The following ADAM11 variants were observed in gnomAD, a reference collection of about 807,000 sequenced individuals.
ADAM11 encodes ADAM metallopeptidase domain 11, also known as disintegrin and metalloproteinase domain-containing protein 11.
Under a neutral mutation model 119.1 loss-of-function variants are expected in ADAM11, and 49 were observed. The observed-to-expected ratio is 0.41, with a 90% CI of 0.33 to 0.52. The LOEUF (loss-of-function observed/expected upper bound fraction) is 0.52, where lower values mean the gene tolerates loss of function less well. Ranked by LOEUF, ADAM11 falls within the 20% of genes least tolerant of loss-of-function variation. The probability of loss-of-function intolerance (pLI) is 0.20; values close to 1 mark genes in which losing one functional copy is unlikely to be tolerated. For synonymous variants in ADAM11, 364 were observed against 408.0 expected (o/e 0.89, Z 1.30); for missense variants, 777 against 1,047.5 (o/e 0.74, Z 3.56).
rs1277397081 is a variant in ADAM11, at chr17:44,769,804, GC to G, written c.314+12del. Reference sequence around the variant, plus strand: ...ACCTGGAGCTGAACCAGTGAGTGTGGCCTTGAGCCCAAGAGGAAGGGCAGTG... The same window carrying G: ...ACCTGGAGCTGAACCAGTGAGTGTGGCTTGAGCCCAAGAGGAAGGGCAGTG... On this transcript the variant is annotated intron_variant, in intron 3 of 26. Coordinates refer to ENST00000200557, the MANE Select transcript of ADAM11 (RefSeq NM_002390.6). The G allele has an allele frequency of 1.7e-5, 27 of 1,613,822 alleles. No homozygotes were observed. The highest frequency in any genetic ancestry group is 2.3e-5 in the Non-Finnish European group (27 of 1,179,706).
At chr17:44,762,116 G>A (rs753154243) in intron 2 of ADAM11, among the ~76,000 whole-genome samples, 4 of 152,144 alleles carry the variant, frequency 2.6e-5, no homozygotes, top group Non-Finnish European at 2.9e-5. Context: ...GAGCCACTGC[G>A]CCTGGCAGCT....
intron 2 of ADAM11, 53 bp from the exon 3 acceptor site, chr17:44,769,665 C>G (rs58726064): frequency 0.45 from 595,542 of 1,334,608 alleles, 140,163 homozygotes; most frequent in East Asian, 0.74. Flanking sequence ...CCCCCCGACT[C>G]CCACCTTCAG....
chr17:44,760,015 G>A, intron 2 of ADAM11, 118 bp downstream of exon 2: 1 of 1,052,140 alleles, frequency 9.5e-7, no homozygotes, highest in Non-Finnish European at 1.2e-6. Context: ...GTCCCCTTCT[G>A]TACAGTGGGC....
chr17:44,776,035 G>C lies in ADAM11; in HGVS notation c.1486-92G>C, dbSNP rs1209685994. ...GGGGCCCTGGGGAGCTGGAGGGCCC[G>C]GGGATGTGGGGGTCCAGAGAGCGAG... On this transcript the variant is annotated intron_variant, in intron 17 of 26. Transcript: ENST00000200557. The surrounding 1 kb of genome is among the most constrained non-coding windows in gnomAD (Gnocchi z 5.2). 2 of 1,452,286 alleles carry C rather than the reference G, an allele frequency of 1.4e-6. No individual in the cohort carries two copies. The highest frequency in any genetic ancestry group is 1.9e-6 in the Non-Finnish European group (2 of 1,044,900). 90.0% of individuals were successfully genotyped at this position (1,452,286 alleles called of 1,614,324 possible). A position where few individuals can be genotyped will look rare whatever the true frequency, so the allele number is the denominator to read the frequency against.
chr17:44,770,694 T>A (rs1293733475), intron 4 of ADAM11, among the ~76,000 whole-genome samples: 2 of 152,142 alleles, frequency 1.3e-5, no homozygotes, highest in Non-Finnish European at 2.9e-5. Flanking sequence ...TGTGTGATGT[T>A]AGGGGCGAGT....
At chr17:44,768,765 C>T (rs2049482273) in intron 2 of ADAM11, among the ~76,000 whole-genome samples, 1 of 152,210 alleles carries the variant, frequency 6.6e-6, no homozygotes, top group African/African-American at 2.4e-5. Context: ...ACCTGCCGTC[C>T]CCACCACAAA....
At position 44,777,246 on chromosome 17, in the gene ADAM11, T is replaced by C. The variant is rs774631632; in HGVS notation, c.1762T>C (p.Trp588Arg). 6.2e-7 allele frequency: 1 copy of C among 1,606,370 alleles called. No homozygotes were observed. Among genetic ancestry groups the C allele is most frequent in the South Asian group, 1.1e-5 (1 of 90,840 alleles). ...RGSCGRKGSG[W>R]VQCSKQDVLC... is the part of the protein sequence containing the mutation. The stretch of plus-strand genomic sequence containing the variant: ...GAGCTGTGGGCGCAAGGGATCTGGC[T>C]GGGTCCAGTGCAGTAAGCAGTGAGT... Residue 588 changes from tryptophan (W) to arginine (R), a missense_variant, in exon 21 of 27, where the codon TGG becomes CGG. Physicochemically the swap from Trp to Arg is moderately radical, Grantham distance 101. This residue lies in a region of ADAM11 where 348 missense variants were observed against 486.7 expected (regional missense o/e 0.72). Coordinates refer to ENST00000200557, the MANE Select transcript of ADAM11 (RefSeq NM_002390.6). The surrounding 1 kb of genome is among the most constrained non-coding windows in gnomAD (Gnocchi z 5.1).
At position 44,774,370 on chromosome 17, in the gene ADAM11, T is replaced by C. The variant is rs772393030; in HGVS notation, c.1068T>C (p.Gly356=). 1 of 1,474,052 alleles carries C rather than the reference T, an allele frequency of 6.8e-7. No individual in the cohort carries two copies. Among genetic ancestry groups the C allele is most frequent in the Non-Finnish European group, 9.0e-7 (1 of 1,105,406 alleles). The allele number at this position is 1,474,052 out of a possible 1,614,324, so 91.3% of individuals were successfully genotyped here. A position where few individuals can be genotyped will look rare whatever the true frequency, so the allele number is the denominator to read the frequency against. ...GGICSLSHGG[G]VNEYGNMGAM... ...TATGCTCCCTGTCCCACGGCGGGGG[T>C]GTGAACGAGGTGAGCAGTGGGGGGA... is the stretch of plus-strand genomic sequence containing the variant. The change falls in exon 12 of 27, where the codon GGT becomes GGC. Residue 356 remains glycine, a synonymous_variant. Transcript: ENST00000200557.
Position 44,768,135 on chromosome 17 carries a change from G to A in ADAM11, c.238-1583G>A, listed in dbSNP as rs1450881793. Among the ~76,000 whole-genome samples, 3 of 152,332 alleles carry A rather than the reference G, an allele frequency of 2.0e-5. No homozygotes were observed. The East Asian group carries it at 5.8e-4, about 29-fold the overall frequency. On this transcript the variant is annotated intron_variant, in intron 2 of 26. Coordinates refer to ENST00000200557, the MANE Select transcript of ADAM11 (RefSeq NM_002390.6). ...GCTCCTCTAGGCAGCTGTGGAGGGG[G>A]CTGGCATAGGGGCTTGTTGGTGGGA...
Position 44,776,615 on chromosome 17 carries a change from C to G in ADAM11, c.1567-130C>G, listed in dbSNP as rs1411267737. 2 of 1,179,744 alleles carry G rather than the reference C, an allele frequency of 1.7e-6. No homozygotes were observed. Among genetic ancestry groups the G allele is most frequent in the Non-Finnish European group, 2.4e-6 (2 of 841,656 alleles). 73.1% of individuals were successfully genotyped at this position (1,179,744 alleles called of 1,614,324 possible). ...TCCAGAACCAGACAGATCGCTTGTC[C>G]TAGGCGTGGAAGAGCCCTGTGGCAT... On this transcript the variant is annotated intron_variant, in intron 18 of 26. Transcript: ENST00000200557. The surrounding 1 kb of genome is among the most constrained non-coding windows in gnomAD (Gnocchi z 5.2).
Position 44,770,063 on chromosome 17 carries a change from A to G in ADAM11, c.381+15A>G, listed in dbSNP as rs753128694. On this transcript the variant is annotated intron_variant, in intron 4 of 26. Transcript: ENST00000200557. The stretch of plus-strand genomic sequence containing the variant: ...AGCACAGCACCGTGAGTGCCACTGC[A>G]GGGGACCGGGGCCGGGGATGGAAGG... 6.2e-7 allele frequency: 1 copy of G among 1,613,658 alleles called. No individual in the cohort carries two copies. The highest frequency in any genetic ancestry group is 2.2e-5 in the East Asian group (1 of 44,882).
rs779628278 is a variant in ADAM11, at chr17:44,772,995, C to T, written c.754-19C>T. 1.2e-6 allele frequency: 2 copies of T among 1,614,114 alleles called. No individual in the cohort carries two copies. The highest frequency in any genetic ancestry group is 1.7e-5 in the Admixed American group (1 of 60,018). On this transcript the variant is annotated intron_variant, in intron 9 of 26. Transcript: ENST00000200557. This position sits in a 1 kb window ranked among gnomAD's most constrained non-coding sequence, Gnocchi z 4.5. Reference sequence around the variant, plus strand: ...GCCCCTGAGGAGCCTGGCCCTCCTCCCATTCTTCTCTCTCCCAGTTCGAGC... The same window carrying T: ...GCCCCTGAGGAGCCTGGCCCTCCTCTCATTCTTCTCTCTCCCAGTTCGAGC...
chr17:44,777,393 T>C lies in ADAM11; in HGVS notation c.1782-89T>C. 6.5e-7 allele frequency: 1 copy of C among 1,534,386 alleles called. No homozygotes were observed. Among genetic ancestry groups the C allele is most frequent in the Non-Finnish European group, 9.0e-7 (1 of 1,115,108 alleles). ...ATGGGCGGGCACGTGGCAAATGAGG[T>C]GGCAGGGTGCAGGGTGAGGGCAGAT... On this transcript the variant is annotated intron_variant, in intron 21 of 26. Transcript: ENST00000200557. This position sits in a 1 kb window ranked among gnomAD's most constrained non-coding sequence, Gnocchi z 5.1.
At chr17:44,764,756 T>A (rs1219674831) in intron 2 of ADAM11, among the ~76,000 whole-genome samples, 2 of 152,122 alleles carry the variant, frequency 1.3e-5, no homozygotes, top group African/African-American at 2.4e-5. Context: ...AGTCTCCACC[T>A]CTCAGGCTGC....
chr17:44,773,552 T>C lies in ADAM11; in HGVS notation c.992+125T>C. The C allele has an allele frequency of 8.4e-7, 1 of 1,189,254 alleles. No homozygotes were observed. Among genetic ancestry groups the C allele is most frequent in the Non-Finnish European group, 1.2e-6 (1 of 866,864 alleles). 73.7% of individuals were successfully genotyped at this position (1,189,254 alleles called of 1,614,324 possible). A position where few individuals can be genotyped will look rare whatever the true frequency, so the allele number is the denominator to read the frequency against. ...CTGGGGACTGGGCTCACCTTGCACC[T>C]GCCACCTACCCCCAGCCACATGCAA... is the stretch of plus-strand genomic sequence containing the variant. On this transcript the variant is annotated intron_variant, in intron 11 of 26. Transcript: ENST00000200557. The surrounding 1 kb of genome is among the most constrained non-coding windows in gnomAD (Gnocchi z 4.6).
In ADAM11 at chr17:44,776,730, C is replaced by G. The variant is rs190314178; in HGVS notation, c.1567-15C>G. 80 of 1,613,970 alleles carry G rather than the reference C, an allele frequency of 5.0e-5. 1 individual carries two copies. The Admixed American group carries it at 1.3e-3, about 27-fold the overall frequency. On this transcript the variant is annotated splice_polypyrimidine_tract_variant and intron_variant, in intron 18 of 26. Coordinates refer to ENST00000200557, the MANE Select transcript of ADAM11 (RefSeq NM_002390.6). This position sits in a 1 kb window ranked among gnomAD's most constrained non-coding sequence, Gnocchi z 5.2. ...CCTGGGACTGCTCCGCTCAACCCCA[C>G]CCCTCTCTCCACAGTGCCCGCCTAA... is the stretch of plus-strand genomic sequence containing the variant.
intron 2 of ADAM11, among the ~76,000 whole-genome samples, chr17:44,764,069 C>T (rs1159778817): frequency 6.6e-6 from 1 of 152,102 alleles, no homozygotes; most frequent in Non-Finnish European, 1.5e-5. Context: ...TTATGCCTGC[C>T]CCTGGGGAGA....
At position 44,777,407 on chromosome 17, in the gene ADAM11, G is replaced by C; in HGVS notation, c.1782-75G>C. On this transcript the variant is annotated intron_variant, in intron 21 of 26. Coordinates refer to ENST00000200557, the MANE Select transcript of ADAM11 (RefSeq NM_002390.6). The surrounding 1 kb of genome is among the most constrained non-coding windows in gnomAD (Gnocchi z 5.1). ...GGCAAATGAGGTGGCAGGGTGCAGG[G>C]TGAGGGCAGATTAGAGTTCAGTAGT... 6.4e-7 allele frequency: 1 copy of C among 1,562,142 alleles called. No individual in the cohort carries two copies. The highest frequency in any genetic ancestry group is 8.8e-7 in the Non-Finnish European group (1 of 1,136,450).
At chr17:44,771,536 T>G in intron 4 of ADAM11, 48 bp from the exon 5 acceptor site, 2 of 1,586,614 alleles carry the variant, frequency 1.3e-6, no homozygotes, top group Non-Finnish European at 1.7e-6. Flanking sequence ...GCCCATTGGC[T>G]GCCCCCGGCC....
Sources: allele counts gnomAD v4.1 joint callset (sites outside exome capture counted in the v4.1 genomes callset), GRCh38; gene constraint gnomAD v4.1.1; regional missense constraint gnomAD v4.1.1; non-coding constraint Gnocchi (gnomAD v3.1); transcripts MANE v1.5; gene names NCBI Gene and HGNC (gene_info 2026-07-23, HGNC 2026-07-21).